C13orf42: variants seen among roughly 807,000 people sequenced by gnomAD.
C13orf42 encodes chromosome 13 open reading frame 42, also known as uncharacterized protein C13orf42.
intron 1 of C13orf42, among the ~76,000 whole-genome samples, chr13:51,101,045 T>C (rs1953284861): frequency 6.6e-6 from 1 of 152,228 alleles, no homozygotes; most frequent in Non-Finnish European, 1.5e-5. Flanking sequence ...TATACATATA[T>C]GGACATGAGG....
chr13:51,085,684 T>C (rs1566121567), intron 2 of C13orf42, 125 bp from the exon 3 acceptor site: 1 of 396,626 alleles, frequency 2.5e-6, no homozygotes, highest in South Asian at 1.4e-4. Flanking sequence ...ATGTTCCTAA[T>C]AGCCAAGCAA....
intron 1 of C13orf42, among the ~76,000 whole-genome samples, chr13:51,122,597 T>C (rs1022163776): frequency 5.9e-5 from 9 of 151,712 alleles, no homozygotes; most frequent in Non-Finnish European, 8.8e-5. Context: ...AAAGCACTTA[T>C]AAGCTTAAAA....
intron 1 of C13orf42, among the ~76,000 whole-genome samples, chr13:51,150,346 C>T (rs543431760): frequency 3.1e-4 from 47 of 152,230 alleles, no homozygotes; most frequent in South Asian, 1.2e-3. Flanking sequence ...CCTACTGGGG[C>T]GACTGGGGGA....
At chr13:51,123,017 G>A (rs538151670) in intron 1 of C13orf42, among the ~76,000 whole-genome samples, 2 of 152,178 alleles carry the variant, frequency 1.3e-5, no homozygotes, top group East Asian at 3.9e-4. Flanking sequence ...GGTCTGTTTT[G>A]CCCACTGCTG....
upstream of C13orf42, among the ~76,000 whole-genome samples, chr13:51,114,163 G>A (rs1181444205): frequency 2.0e-5 from 3 of 152,226 alleles, no homozygotes; most frequent in African/African-American, 4.8e-5. Context: ...GATGAGCCTG[G>A]TCTTGTGGTG....
At chr13:51,122,621 C>T (rs143797466) in intron 1 of C13orf42, among the ~76,000 whole-genome samples, 26 of 151,658 alleles carry the variant, frequency 1.7e-4, no homozygotes, top group East Asian at 3.9e-4. Context: ...TTTTTTAAAC[C>T]GTCATCTTGT....
chr13:51,147,248 C>T (rs960038076), intron 1 of C13orf42, among the ~76,000 whole-genome samples: 1 of 152,204 alleles, frequency 6.6e-6, no homozygotes, highest in Admixed American at 6.5e-5. Context: ...TTTCTTATCT[C>T]CTACACAGGA....
At chr13:51,153,621 GTTTTTTTTCTTT>G (rs1953800045) in intron 1 of C13orf42, among the ~76,000 whole-genome samples, 12 of 82,034 alleles carry the variant, frequency 1.5e-4, no homozygotes, top group South Asian at 8.1e-4. Flanking sequence ...CTTGCTTTCT[GTTTTTTTTCTTT>G]TTTTTTTTTT....
At chr13:51,153,630 C>CTTTTTTTTTTTTTTTTTTTTTT (rs1206289963) in intron 1 of C13orf42, among the ~76,000 whole-genome samples, 9 of 81,202 alleles carry the variant, frequency 1.1e-4, no homozygotes, top group Non-Finnish European at 1.7e-4. Context: ...TGTTTTTTTT[C>CTTTTTTTTTTTTTTTTTTTTTT]TTTTTTTTTT....
At chr13:51,127,169 A>G (rs930587107) in intron 1 of C13orf42, among the ~76,000 whole-genome samples, 2 of 152,180 alleles carry the variant, frequency 1.3e-5, no homozygotes, top group African/African-American at 2.4e-5. Context: ...TGTGTCTTAA[A>G]AAAATAAAAA....
In C13orf42 at chr13:51,093,924, GT is replaced by G. The variant is rs1027595275; in HGVS notation, c.415-5850del. On this transcript the variant is annotated intron_variant, in intron 1 of 3. Transcript: ENST00000563710. Reference sequence around the variant, plus strand: ...ATATAATAAATTGATACCCTAGAAAGTTTTCGAGGTAACCAATAAGGTTCAC... The same window carrying G: ...ATATAATAAATTGATACCCTAGAAAGTTTCGAGGTAACCAATAAGGTTCAC... Among the ~76,000 whole-genome samples, 28 of 152,206 alleles carry G rather than the reference GT, an allele frequency of 1.8e-4. No homozygotes were observed. The South Asian group carries it at 2.7e-3, about 15-fold the overall frequency.
At chr13:51,164,104 G>A (rs959998841) in intron 1 of C13orf42, among the ~76,000 whole-genome samples, 2 of 152,094 alleles carry the variant, frequency 1.3e-5, no homozygotes, top group Non-Finnish European at 2.9e-5. Context: ...CCACCAAATC[G>A]CCACACAGGC....
rs1054376380 is a variant in C13orf42 at position 51,082,315 on chromosome 13, T to C, written c.*1836A>G. The C allele has an allele frequency of 6.6e-6, 1 of 152,126 alleles. No individual in the cohort carries two copies. Among genetic ancestry groups the C allele is most frequent in the Non-Finnish European group, 1.5e-5 (1 of 68,028 alleles). 9.4% of individuals were successfully genotyped at this position (152,126 alleles called of 1,614,324 possible). A position where few individuals can be genotyped will look rare whatever the true frequency, so the allele number is the denominator to read the frequency against. ...ATTTTTCAGGCTGTGTATAGTCTCA[T>C]GAAAGACAAAAAACATACAAAACAA... On this transcript the variant is annotated 3_prime_UTR_variant, in exon 4 of 4. Coordinates refer to ENST00000563710, the MANE Select transcript of C13orf42 (RefSeq NM_001351589.3).
At chr13:51,105,642 A>T (rs1953345249) in intron 1 of C13orf42, among the ~76,000 whole-genome samples, 1 of 152,196 alleles carries the variant, frequency 6.6e-6, no homozygotes, top group Non-Finnish European at 1.5e-5. Context: ...GCAAGGACAG[A>T]GCCAAATCTA....
intron 1 of C13orf42, among the ~76,000 whole-genome samples, chr13:51,143,653 T>G (rs12429772): frequency 0.49 from 74,739 of 151,922 alleles, 18,516 homozygotes; most frequent in African/African-American, 0.54. Flanking sequence ...ATAAATGACT[T>G]TACAATGACC....
intron 1 of C13orf42, among the ~76,000 whole-genome samples, chr13:51,150,984 C>T (rs1953773848): frequency 6.6e-6 from 1 of 152,212 alleles, no homozygotes; most frequent in South Asian, 2.1e-4. Flanking sequence ...GAATCTTCAA[C>T]TCTTCAGAAC....
intron 1 of C13orf42, among the ~76,000 whole-genome samples, chr13:51,158,131 A>G (rs1294338681): frequency 6.6e-6 from 1 of 152,272 alleles, no homozygotes; most frequent in Non-Finnish European, 1.5e-5. Flanking sequence ...AGATGGGAAA[A>G]TTGAAACTGA....
intron 1 of C13orf42, among the ~76,000 whole-genome samples, chr13:51,170,562 C>T (rs1490629554): frequency 3.3e-5 from 5 of 152,174 alleles, no homozygotes. Flanking sequence ...TCTCCCTTCT[C>T]TTAATTTCAA....
At chr13:51,165,866 G>A (rs533087744) in intron 1 of C13orf42, among the ~76,000 whole-genome samples, 47 of 152,210 alleles carry the variant, frequency 3.1e-4, no homozygotes, top group African/African-American at 1.1e-3. Context: ...TATATTTAAG[G>A]TATATTTTTA....
Sources: gnomAD v4.1 joint callset for allele counts (sites outside exome capture counted in the v4.1 genomes callset) on GRCh38, gnomAD v4.1.1 for gene constraint, MANE v1.5 for transcripts, NCBI Gene and HGNC (gene_info 2026-07-23, HGNC 2026-07-21) for gene names.